The following CORO7 variants were observed in gnomAD, a reference collection of about 807,000 sequenced individuals.
CORO7 encodes coronin 7.
CORO7 carries 107 observed loss-of-function variants against 126.6 expected under a neutral mutation model. The ratio of observed to expected loss-of-function variants is 0.85; its 90% confidence interval spans 0.72 to 0.99. CORO7 has a LOEUF of 0.99. Among genes scored for constraint, CORO7 ranks in the 50% least tolerant of loss-of-function variants. The pLI is 0.00. For synonymous variants in CORO7, 603 were observed against 536.8 expected (o/e 1.12, Z -1.70); for missense variants, 1,314 against 1,255.8 (o/e 1.05, Z -0.70).
chr16:4,360,584 T>C, intron 19 of CORO7, 36 bp from the exon 20 acceptor site: 1 of 1,558,112 alleles, frequency 6.4e-7, no homozygotes, highest in South Asian at 1.2e-5. Context: ...ACAGCCTTGC[T>C]TCACTGCTGG....
intron 9 of CORO7, among the ~76,000 whole-genome samples, chr16:4,379,343 G>T (rs928296099): frequency 6.6e-6 from 1 of 152,052 alleles, no homozygotes; most frequent in Admixed American, 6.5e-5. Flanking sequence ...TCCTGGGGAC[G>T]GCCCCAGCGG....
At chr16:4,370,553 A>G (rs1397087788) in intron 9 of CORO7, among the ~76,000 whole-genome samples, 1 of 152,232 alleles carries the variant, frequency 6.6e-6, no homozygotes, top group Non-Finnish European at 1.5e-5. Context: ...CAACCCAGGA[A>G]CAGAGGTCCG....
In CORO7 at chr16:4,362,963, C is replaced by T. The variant is rs112856416; in HGVS notation, c.1276-225G>A. The T allele has an allele frequency of 1.4e-5, 6 of 426,556 alleles. No homozygotes were observed. Among genetic ancestry groups the T allele is most frequent in the African/African-American group, 4.1e-5 (2 of 49,190 alleles). The allele number at this position is 426,556 out of a possible 1,614,324, so 26.4% of individuals were successfully genotyped here. ...GACAGCAAGTGGCAGCTGCTGGCTC[C>T]CAGCCCTGCAGGAGGGTGTGCCCAG... is the stretch of plus-strand genomic sequence containing the variant. On this transcript the variant is annotated intron_variant, in intron 14 of 27. Transcript: ENST00000251166. This position sits in a 1 kb window ranked among gnomAD's most constrained non-coding sequence, Gnocchi z 5.3.
At chr16:4,357,491 T>G in intron 25 of CORO7, 1 of 476,346 alleles carries the variant, frequency 2.1e-6, no homozygotes, top group Non-Finnish European at 3.6e-6. Flanking sequence ...TCTGGAGTAG[T>G]TGGGATTGCA....
chr16:4,400,230 G>A (rs2055749978), intron 6 of CORO7, among the ~76,000 whole-genome samples: 1 of 152,234 alleles, frequency 6.6e-6, no homozygotes, highest in Admixed American at 6.5e-5. Flanking sequence ...TGGGTATGGT[G>A]GCTCAGGCCT....
chr16:4,416,586 C>T lies in CORO7; in HGVS notation c.-68G>A. 3 of 1,542,254 alleles carry T rather than the reference C, an allele frequency of 1.9e-6. No individual in the cohort carries two copies. The highest frequency in any genetic ancestry group is 2.9e-5 in the African/African-American group (2 of 69,894). ...CGTCGGGTCTCAGGTGCACGCTGAG[C>T]AACCGCGACTCCCGCTGCCTCGGCC... On this transcript the variant is annotated 5_prime_UTR_variant, in exon 1 of 28. Transcript: ENST00000251166.
chr16:4,357,753 G>C (rs573074892), intron 25 of CORO7: 4 of 488,610 alleles, frequency 8.2e-6, no homozygotes, highest in Non-Finnish European at 1.3e-5. Context: ...CAGTGTGTGC[G>C]TGTGTGTGTG....
At chr16:4,387,603 A>G (rs1325202068) in intron 9 of CORO7, among the ~76,000 whole-genome samples, 1 of 104,574 alleles carries the variant, frequency 9.6e-6, no homozygotes, top group Non-Finnish European at 1.9e-5. Context: ...CCACCCTCCT[A>G]TCATAGCCTG....
intron 14 of CORO7, among the ~76,000 whole-genome samples, chr16:4,363,947 A>G (rs545582045): frequency 6.6e-6 from 1 of 151,498 alleles, no homozygotes; most frequent in Non-Finnish European, 1.5e-5. Context: ...TGAACCCAAG[A>G]GGCGGAGATT....
chr16:4,382,152 G>C (rs776443067), intron 9 of CORO7: 1 of 1,591,522 alleles, frequency 6.3e-7, no homozygotes, highest in Admixed American at 1.7e-5. Flanking sequence ...TGGGGACACG[G>C]CACCACCTGG....
chr16:4,365,198 G>T, intron 10 of CORO7, 138 bp from the exon 11 acceptor site: 1 of 1,377,612 alleles, frequency 7.3e-7, no homozygotes, highest in Non-Finnish European at 9.9e-7. Context: ...TCCCCAACAT[G>T]CTGGGCGCTG....
chr16:4,354,847 G>A lies in CORO7; in HGVS notation c.*311C>T. The A allele has an allele frequency of 2.5e-6, 1 of 395,180 alleles. No individual in the cohort carries two copies. The highest frequency in any genetic ancestry group is 4.5e-6 in the Non-Finnish European group (1 of 222,522). The allele number at this position is 395,180 out of a possible 1,614,324, so 24.5% of individuals were successfully genotyped here. A position where few individuals can be genotyped will look rare whatever the true frequency, so the allele number is the denominator to read the frequency against. On this transcript the variant is annotated 3_prime_UTR_variant, in exon 28 of 28. Coordinates refer to ENST00000251166, the MANE Select transcript of CORO7 (RefSeq NM_024535.5). ...AGGCTGGGACCAGCCCAGGTCAGCA[G>A]TGAGACCAGGGGAGACAGGGTGCCC...
At chr16:4,387,443 T>C (rs540116532) in intron 9 of CORO7, among the ~76,000 whole-genome samples, 40 of 152,004 alleles carry the variant, frequency 2.6e-4, no homozygotes, top group Non-Finnish European at 5.9e-4. Context: ...CCTGGGGACA[T>C]ACCTCAGGAT....
intron 6 of CORO7, among the ~76,000 whole-genome samples, chr16:4,400,848 C>A (rs1238656999): frequency 7.1e-6 from 1 of 141,568 alleles, no homozygotes; most frequent in Non-Finnish European, 1.6e-5. Context: ...ACCATTGGTT[C>A]CTCAATTGAA....
chr16:4,389,788 C>T (rs1021507854), intron 7 of CORO7, among the ~76,000 whole-genome samples: 1 of 152,236 alleles, frequency 6.6e-6, no homozygotes, highest in Non-Finnish European at 1.5e-5. Context: ...CATTCAGGCT[C>T]CTGCCCTCTC....
intron 9 of CORO7, among the ~76,000 whole-genome samples, chr16:4,385,042 A>C (rs890661329): frequency 6.6e-6 from 1 of 152,166 alleles, no homozygotes; most frequent in South Asian, 2.1e-4. Flanking sequence ...GTGCCATCAG[A>C]TCAGGGCTTC....
chr16:4,413,000 A>G, intron 2 of CORO7: 1 of 329,302 alleles, frequency 3.0e-6, no homozygotes, highest in East Asian at 5.4e-5. Context: ...TCCAGGGCCC[A>G]AAGATGAGGA....
intron 1 of CORO7, chr16:4,415,896 A>G (rs1446523502): frequency 1.0e-6 from 1 of 985,506 alleles, no homozygotes; most frequent in Non-Finnish European, 1.2e-6. Context: ...ACCGAGATAA[A>G]GAAAGAGCTT....
intron 3 of CORO7, among the ~76,000 whole-genome samples, chr16:4,410,006 G>A (rs1483862725): frequency 6.6e-6 from 1 of 152,200 alleles, no homozygotes; most frequent in Non-Finnish European, 1.5e-5. Flanking sequence ...CCACAGTGAG[G>A]CTATGGACTT....
Sources: allele counts gnomAD v4.1 joint callset (sites outside exome capture counted in the v4.1 genomes callset), GRCh38; gene constraint gnomAD v4.1.1; non-coding constraint Gnocchi (gnomAD v3.1); transcripts MANE v1.5; gene names NCBI Gene and HGNC (gene_info 2026-07-23, HGNC 2026-07-21).